SUCLG2: variants seen among roughly 807,000 people sequenced by gnomAD.
SUCLG2 encodes the protein succinate-CoA ligase GDP-forming subunit beta, also known as succinate--CoA ligase [GDP-forming] subunit beta, mitochondrial.
In SUCLG2, 42 loss-of-function variants were observed where a neutral mutation model predicts 47.9. The observed-to-expected ratio is 0.88, with a 90% CI of 0.69 to 1.14. The LOEUF (loss-of-function observed/expected upper bound fraction) is 1.14, where lower values mean the gene tolerates loss of function less well. Among genes scored for constraint, SUCLG2 ranks in the 50% most tolerant of loss-of-function variants. The pLI, the probability that SUCLG2 is intolerant of heterozygous loss-of-function variation, is 0.00. For synonymous variants in SUCLG2, 195 were observed against 197.3 expected, an observed-to-expected ratio of 0.99 and a Z score of 0.10; for missense variants, 571 against 525.9, an observed-to-expected ratio of 1.09 and a Z score of -0.84.
chr3:67,405,243 C>A (rs1026821378), intron 9 of SUCLG2, among the ~76,000 whole-genome samples: 1 of 152,210 alleles, frequency 6.6e-6, no homozygotes, highest in South Asian at 2.1e-4. Flanking sequence ...GCAGTCCATA[C>A]ACAAGTTTTT....
chr3:67,431,376 AG>A (rs1425289186), intron 9 of SUCLG2, among the ~76,000 whole-genome samples: 10 of 152,202 alleles, frequency 6.6e-5, no homozygotes, highest in African/African-American at 2.4e-4. Flanking sequence ...CAATAGATGC[AG>A]AAAAGGCCTT....
At chr3:67,432,489 A>G (rs1703512150) in intron 9 of SUCLG2, among the ~76,000 whole-genome samples, 1 of 152,238 alleles carries the variant, frequency 6.6e-6, no homozygotes, top group Non-Finnish European at 1.5e-5. Context: ...TAAACGTTCC[A>G]GCTATACAAT....
intron 1 of SUCLG2, among the ~76,000 whole-genome samples, chr3:67,639,375 T>C (rs1422479836): frequency 3.9e-5 from 6 of 152,008 alleles, no homozygotes; most frequent in Non-Finnish European, 8.8e-5. Flanking sequence ...CACCGAAGTG[T>C]TAAACCAGTT....
intron 2 of SUCLG2, among the ~76,000 whole-genome samples, chr3:67,557,709 C>G (rs563480351): frequency 9.9e-5 from 15 of 152,276 alleles, no homozygotes; most frequent in African/African-American, 3.6e-4. Context: ...TGAGCGGCAT[C>G]AGAATCACTT....
rs1333504925 is a variant in SUCLG2 at position 67,529,155 on chromosome 3, G to T, written c.258C>A (p.Ile86=). 9.3e-6 allele frequency: 15 copies of T among 1,612,312 alleles called. No individual in the cohort carries two copies. The highest frequency in any genetic ancestry group is 1.2e-5 in the Non-Finnish European group (14 of 1,179,548). Residue 86 remains isoleucine (I), a synonymous_variant, in exon 3 of 11, where the codon ATC becomes ATA. Coordinates refer to ENST00000307227, the MANE Select transcript of SUCLG2 (RefSeq NM_003848.4). ...NAKEIVLKAQ[I]LAGGRGKGVF... ...CACCTTTTCCTCTTCCTCCAGCTAA[G>T]ATCTGGGCTTTTAAAACAATTTCTT...
chr3:67,467,377 C>T (rs903994820), intron 9 of SUCLG2, among the ~76,000 whole-genome samples: 4 of 152,200 alleles, frequency 2.6e-5, no homozygotes, highest in Non-Finnish European at 4.4e-5. Flanking sequence ...TCAAAGCACA[C>T]GTCATACCTG....
intron 9 of SUCLG2, among the ~76,000 whole-genome samples, chr3:67,443,969 T>G (rs1451642410): frequency 4.1e-4 from 29 of 70,626 alleles, no homozygotes; most frequent in African/African-American, 9.3e-4. Flanking sequence ...TGGGGGGGGG[T>G]CAGCCCCCCG....
intron 9 of SUCLG2, among the ~76,000 whole-genome samples, chr3:67,492,906 C>G (rs1705238504): frequency 6.6e-6 from 1 of 152,140 alleles, no homozygotes; most frequent in African/African-American, 2.4e-5. Flanking sequence ...ATATGTCAAC[C>G]TGTAATAATT....
chr3:67,364,343 C>T (rs1701847946), intron 10 of SUCLG2, among the ~76,000 whole-genome samples: 1 of 152,058 alleles, frequency 6.6e-6, no homozygotes, highest in African/African-American at 2.4e-5. Context: ...GGCCTTCCAC[C>T]CCTGCTCAGC....
rs75386285 is a variant in SUCLG2 at position 67,387,764 on chromosome 3, A to T, written c.1184-11905T>A. Among the ~76,000 whole-genome samples the T allele has an allele frequency of 2.0e-3, 309 of 152,312 alleles. 1 individual carries two copies. Among genetic ancestry groups the T allele is most frequent in the African/African-American group, 6.4e-3 (267 of 41,574 alleles). On this transcript the variant is annotated intron_variant, in intron 10 of 10. Coordinates refer to ENST00000307227, the MANE Select transcript of SUCLG2 (RefSeq NM_003848.4). ...AGGTCTATCTGAGATACTAAGAAGA[A>T]GATTTGACATTTCTAAATTTGTTAG...
intron 9 of SUCLG2, among the ~76,000 whole-genome samples, chr3:67,406,877 A>G (rs1365735094): frequency 6.6e-6 from 1 of 152,232 alleles, no homozygotes; most frequent in Admixed American, 6.5e-5. Flanking sequence ...TTTTATAGAT[A>G]AACTGAGTCT....
intron 2 of SUCLG2, among the ~76,000 whole-genome samples, chr3:67,563,959 C>CAAAAAAAAAAAA (rs756674869): frequency 3.8e-5 from 3 of 78,170 alleles, no homozygotes; most frequent in African/African-American, 9.1e-5. Flanking sequence ...GACTCTGTCT[C>CAAAAAAAAAAAA]AAAAAAAAAA....
In SUCLG2 at chr3:67,420,224, C is replaced by T. The variant is rs148957622; in HGVS notation, c.1063-19373G>A. ...ACTTACTATCAAATATAAGTCCAACCATTTGTCACAAGTCAGGTATCTCAT... is the reference window on the plus strand; with the variant it reads ...ACTTACTATCAAATATAAGTCCAACTATTTGTCACAAGTCAGGTATCTCAT... On this transcript the variant is annotated intron_variant, in intron 9 of 10. Coordinates refer to ENST00000307227, the MANE Select transcript of SUCLG2 (RefSeq NM_003848.4). Among the ~76,000 whole-genome samples the T allele has an allele frequency of 3.0e-3, 451 of 152,264 alleles. 5 individuals are homozygous for T. The highest frequency in any genetic ancestry group is 0.01 in the African/African-American group (429 of 41,566).
At chr3:67,390,384 G>A (rs1465107150) in intron 10 of SUCLG2, among the ~76,000 whole-genome samples, 10 of 152,094 alleles carry the variant, frequency 6.6e-5, no homozygotes, top group African/African-American at 2.4e-4. Flanking sequence ...GGGATTTTGT[G>A]GACAAATCTT....
At chr3:67,562,777 C>G (rs2772447) in intron 2 of SUCLG2, among the ~76,000 whole-genome samples, 9 of 152,080 alleles carry the variant, frequency 5.9e-5, no homozygotes, top group Middle Eastern at 3.4e-3. Context: ...TAAATTGCCT[C>G]AATACAACAT....
intron 10 of SUCLG2, among the ~76,000 whole-genome samples, chr3:67,361,585 G>A (rs905633426): frequency 5.3e-5 from 8 of 152,158 alleles, no homozygotes; most frequent in African/African-American, 1.9e-4. Flanking sequence ...GCCATTGTGT[G>A]AGCCTTGGCA....
rs142513182 is a variant in SUCLG2, at chr3:67,555,448, C to T, written c.227-26262G>A. Among the ~76,000 whole-genome samples, 713 of 152,098 alleles carry T rather than the reference C, an allele frequency of 4.7e-3. 3 individuals are homozygous for T. The highest frequency in any genetic ancestry group is 0.016 in the African/African-American group (684 of 41,480). On this transcript the variant is annotated intron_variant, in intron 2 of 10. Coordinates refer to ENST00000307227, the MANE Select transcript of SUCLG2 (RefSeq NM_003848.4). ...TGAGATGGCCTAAAAGCAGTAATGC[C>T]TCAACAGTAATGATCACAAACAAGT...
chr3:67,653,897 A>C (rs752716174), intron 1 of SUCLG2, among the ~76,000 whole-genome samples: 5 of 152,236 alleles, frequency 3.3e-5, no homozygotes, highest in Non-Finnish European at 5.9e-5. Context: ...TCAATGGTCT[A>C]ATGCGTTTTA....
intron 2 of SUCLG2, among the ~76,000 whole-genome samples, chr3:67,550,512 A>G (rs747510069): frequency 1.3e-5 from 2 of 151,554 alleles, no homozygotes; most frequent in African/African-American, 2.4e-5. Flanking sequence ...ATGCCTGGAA[A>G]TTTTTTTTGT....
Sources: allele counts gnomAD v4.1 joint callset (sites outside exome capture counted in the v4.1 genomes callset), GRCh38; gene constraint gnomAD v4.1.1; transcripts MANE v1.5; gene names NCBI Gene and HGNC (gene_info 2026-07-23, HGNC 2026-07-21).